SMARCA2: variants seen among roughly 807,000 people sequenced by gnomAD.
The protein encoded by SMARCA2 is SWI/SNF-related matrix-associated actin-dependent regulator of chromatin subfamily A member 2.
In SMARCA2, 61 loss-of-function variants were observed where a neutral mutation model predicts 199.8. The ratio of observed to expected loss-of-function variants is 0.31; its 90% CI spans 0.25 to 0.38. SMARCA2 has a LOEUF of 0.38. Among genes scored for constraint, SMARCA2 ranks in the 10% least tolerant of loss-of-function variants. The probability of loss-of-function intolerance (pLI) is 1.00; values close to 1 mark genes in which losing one functional copy is unlikely to be tolerated. For missense variants in SMARCA2, 1,344 were observed against 2,012.2 expected (o/e 0.67, Z 6.35); for synonymous variants, 935 against 732.0 (o/e 1.28, Z -4.48).
At chr9:2,160,064 G>C (rs540077655) in intron 27 of SMARCA2, 2 of 909,222 alleles carry the variant, frequency 2.2e-6, no homozygotes, top group Admixed American at 5.4e-5. Flanking sequence ...TGACAGCCTT[G>C]CATGCTGTAT....
intron 24 of SMARCA2, among the ~76,000 whole-genome samples, chr9:2,113,705 A>T (rs1823102858): frequency 6.6e-6 from 1 of 152,116 alleles, no homozygotes; most frequent in Admixed American, 6.5e-5. Flanking sequence ...GCAAATTCCC[A>T]AGGATTCTGT....
chr9:2,125,663 T>A (rs1823655565), intron 27 of SMARCA2, among the ~76,000 whole-genome samples: 2 of 152,146 alleles, frequency 1.3e-5, no homozygotes, highest in Admixed American at 6.5e-5. Flanking sequence ...CTAATTTTTA[T>A]ATTTTTAGTA....
chr9:2,047,534 C>T, intron 5 of SMARCA2, 50 bp downstream of exon 5: 2 of 1,259,366 alleles, frequency 1.6e-6, no homozygotes, highest in African/African-American at 1.6e-5. Context: ...TAGCACCTGC[C>T]GCCCAAGCCG....
intron 28 of SMARCA2, among the ~76,000 whole-genome samples, chr9:2,163,388 C>T (rs1825780804): frequency 6.6e-6 from 1 of 152,166 alleles, no homozygotes; most frequent in African/African-American, 2.4e-5. Context: ...GGAATGACAG[C>T]AATCCAGGAA....
intron 3 of SMARCA2, among the ~76,000 whole-genome samples, chr9:2,034,812 A>G (rs967325158): frequency 3.9e-5 from 6 of 152,170 alleles, no homozygotes; most frequent in Admixed American, 2.0e-4. Context: ...TTTTGGTGGC[A>G]GGCAGGCATA....
At chr9:2,083,028 A>C (rs576113157) in intron 15 of SMARCA2, among the ~76,000 whole-genome samples, 1 of 152,256 alleles carries the variant, frequency 6.6e-6, no homozygotes, top group South Asian at 2.1e-4. Context: ...GCTGTTTATG[A>C]AGATTCCTAA....
chr9:2,018,604 C>G (rs1818467853), intron 1 of SMARCA2, among the ~76,000 whole-genome samples: 1 of 152,210 alleles, frequency 6.6e-6, no homozygotes, highest in Non-Finnish European at 1.5e-5. Flanking sequence ...ACTTCCATTT[C>G]AAAGGACTTA....
intron 29 of SMARCA2, among the ~76,000 whole-genome samples, chr9:2,173,474 C>T (rs1031330764): frequency 6.6e-6 from 1 of 152,184 alleles, no homozygotes; most frequent in Non-Finnish European, 1.5e-5. Flanking sequence ...GAGAAATTAC[C>T]ATGAAATAGC....
At chr9:2,135,960 G>A (rs538461894) in intron 27 of SMARCA2, among the ~76,000 whole-genome samples, 139 of 152,054 alleles carry the variant, frequency 9.1e-4, no homozygotes, top group Non-Finnish European at 1.5e-3. Flanking sequence ...TTCTGCCTCC[G>A]TCTCCCGAGT....
At position 2,191,379 on chromosome 9, in the gene SMARCA2, T is replaced by C. The variant is rs1373182486; in HGVS notation, c.4708T>C (p.Phe1570Leu). 1 of 1,614,174 alleles carries C rather than the reference T, an allele frequency of 6.2e-7. No homozygotes were observed. Among genetic ancestry groups the C allele is most frequent in the African/African-American group, 1.3e-5 (1 of 75,058 alleles). ...AAAAGCCAAACCTGTAGTGAGCGAT[T>C]TTGACAGCGATGAGGAGCAGGATGA... ...RGKAKPVVSD[F>L]DSDEEQDERE... The change falls in exon 33 of 34, where the codon TTT (phenylalanine) becomes CTT (leucine). Residue 1570 changes from phenylalanine (F) to leucine (L), a missense_variant. This residue lies in a region of SMARCA2 where 155 missense variants were observed against 121.1 expected (regional missense o/e 1.28). Coordinates refer to ENST00000349721, the MANE Select transcript of SMARCA2 (RefSeq NM_003070.5).
rs745363435 is a variant in SMARCA2 at position 2,161,679 on chromosome 9, C to T, written c.3982-7C>T. On this transcript the variant is annotated splice_region_variant and splice_polypyrimidine_tract_variant and intron_variant, in intron 27 of 33. Transcript: ENST00000349721. The surrounding 1 kb of genome is among the most constrained non-coding windows in gnomAD (Gnocchi z 4.7). Reference sequence around the variant, plus strand: ...TTGAATTTGTCTCCTTTGTTTCCAACGAACAGGCCATCGAAGACGGCAATT... The same window carrying T: ...TTGAATTTGTCTCCTTTGTTTCCAATGAACAGGCCATCGAAGACGGCAATT... 21 of 1,605,814 alleles carry T rather than the reference C, an allele frequency of 1.3e-5. No homozygotes were observed. The highest frequency in any genetic ancestry group is 5.0e-5 in the Admixed American group (3 of 59,564).
In SMARCA2 at chr9:2,161,950, G is replaced by C. The variant is rs200407235; in HGVS notation, c.4199+47G>C. 3.7e-5 allele frequency: 55 copies of C among 1,483,186 alleles called. No individual in the cohort carries two copies. The Admixed American group carries it at 9.2e-4, about 25-fold the overall frequency. 91.9% of individuals were successfully genotyped at this position (1,483,186 alleles called of 1,614,324 possible). A position where few individuals can be genotyped will look rare whatever the true frequency, so the allele number is the denominator to read the frequency against. Reference sequence around the variant, plus strand: ...CTTGATCATCTCTCACCAAGACGCCGAGTGGCGCTCCCTGAGGAGCAGGAG... The same window carrying C: ...CTTGATCATCTCTCACCAAGACGCCCAGTGGCGCTCCCTGAGGAGCAGGAG... On this transcript the variant is annotated intron_variant, in intron 28 of 33. Coordinates refer to ENST00000349721, the MANE Select transcript of SMARCA2 (RefSeq NM_003070.5). This position sits in a 1 kb window ranked among gnomAD's most constrained non-coding sequence, Gnocchi z 4.7.
At chr9:2,077,393 C>G (rs1821375014) in intron 13 of SMARCA2, among the ~76,000 whole-genome samples, 1 of 152,200 alleles carries the variant, frequency 6.6e-6, no homozygotes, top group Admixed American at 6.5e-5. Context: ...GAAGTAACCT[C>G]TCTAAGCCTC....
intron 32 of SMARCA2, among the ~76,000 whole-genome samples, chr9:2,187,050 C>T (rs1586816949): frequency 6.6e-6 from 1 of 152,156 alleles, no homozygotes; most frequent in African/African-American, 2.4e-5. Flanking sequence ...CCAAGGACCA[C>T]ACCTTGAGAA....
intron 1 of SMARCA2, among the ~76,000 whole-genome samples, chr9:2,023,528 G>A (rs893489017): frequency 6.6e-6 from 1 of 152,184 alleles, no homozygotes; most frequent in African/African-American, 2.4e-5. Flanking sequence ...AACTTATAAG[G>A]TTAACTTTAG....
At chr9:2,124,016 G>C in intron 27 of SMARCA2, 79 bp downstream of exon 27, 2 of 1,182,500 alleles carry the variant, frequency 1.7e-6, no homozygotes, top group South Asian at 1.3e-5. Flanking sequence ...CCTAGAGCTG[G>C]GATTTTCTGA....
At chr9:2,097,269 GT>G (rs1822311498) in intron 20 of SMARCA2, 115 bp from the exon 21 acceptor site, 1 of 653,800 alleles carries the variant, frequency 1.5e-6, no homozygotes, top group South Asian at 2.0e-5. Context: ...AGGTGTGTAG[GT>G]GACTGAAAAA....
rs531543578 is a variant in SMARCA2 at position 2,141,005 on chromosome 9, T to C, written c.3981+17068T>C. The stretch of plus-strand genomic sequence containing the variant: ...TCCTCTCTGAACCGGCCTTTGGTAT[T>C]TCACAGGCTGAACCCTTCTCTTTTT... On this transcript the variant is annotated intron_variant, in intron 27 of 33. Coordinates refer to ENST00000349721, the MANE Select transcript of SMARCA2 (RefSeq NM_003070.5). 5.3e-5 allele frequency among the ~76,000 whole-genome samples: 8 copies of C among 152,280 alleles called. No individual in the cohort carries two copies. In the East Asian group the frequency reaches 1.2e-3, roughly 22 times the overall value.
chr9:2,092,381 G>C (rs1294810169), intron 19 of SMARCA2, among the ~76,000 whole-genome samples: 1 of 152,162 alleles, frequency 6.6e-6, no homozygotes, highest in African/African-American at 2.4e-5. Flanking sequence ...GGAATGCTTA[G>C]CATAATTAAT....
Sources: gnomAD v4.1 joint callset for allele counts (sites outside exome capture counted in the v4.1 genomes callset) on GRCh38, gnomAD v4.1.1 for gene constraint, gnomAD v4.1.1 regional missense constraint, Gnocchi (gnomAD v3.1) non-coding constraint, MANE v1.5 for transcripts, NCBI Gene and HGNC (gene_info 2026-07-23, HGNC 2026-07-21) for gene names.